The following GFPT1 variants were observed in gnomAD, a reference collection of about 807,000 sequenced individuals.
The protein encoded by GFPT1 is glutamine--fructose-6-phosphate transaminase 1.
GFPT1 carries 40 observed loss-of-function variants against 92.0 expected under a neutral mutation model. The ratio of observed to expected loss-of-function variants is 0.43; its 90% confidence interval spans 0.34 to 0.57. The LOEUF is 0.57. GFPT1 is among the 20% of genes least tolerant of loss of function. The pLI, the probability that GFPT1 is intolerant of heterozygous loss-of-function variation, is 0.02. For missense variants in GFPT1, 448 were observed against 869.1 expected, an observed-to-expected ratio of 0.52 and a Z score of 6.09; for synonymous variants, 269 against 280.6, an observed-to-expected ratio of 0.96 and a Z score of 0.41.
intron 11 of GFPT1, 112 bp from the exon 12 acceptor site, chr2:69,346,111 T>G (rs1558747106): frequency 1.1e-5 from 8 of 712,004 alleles, no homozygotes; most frequent in Non-Finnish European, 2.0e-5. Context: ...ATAACAAAAG[T>G]TCATGCAATA....
chr2:69,348,109 AG>A, intron 11 of GFPT1, 61 bp downstream of exon 11: 2 of 1,249,858 alleles, frequency 1.6e-6, no homozygotes, highest in Non-Finnish European at 2.4e-6. Flanking sequence ...ATGCTAGGAA[AG>A]GAAGTAGAAT....
In GFPT1 at chr2:69,346,244, CT is replaced by C. The variant is rs927368693; in HGVS notation, c.1010-246del. On this transcript the variant is annotated intron_variant, in intron 11 of 19. Transcript: ENST00000357308. ...AGTTACAACAAGTGAATGAGACAAG[CT>C]TTTTTTTTTTTGAGACGGAGTCTTG... is the stretch of plus-strand genomic sequence containing the variant. 3.7e-3 allele frequency among the ~76,000 whole-genome samples: 542 copies of C among 145,222 alleles called. No homozygotes were observed. Among genetic ancestry groups the C allele is most frequent in the South Asian group, 5.4e-3 (25 of 4,588 alleles).
chr2:69,371,666 T>C (rs2104683369), intron 2 of GFPT1, among the ~76,000 whole-genome samples: 1 of 148,372 alleles, frequency 6.7e-6, no homozygotes, highest in Non-Finnish European at 1.5e-5. Context: ...TGAAACCCCG[T>C]CTCTACTAAA....
intron 6 of GFPT1, 41 bp downstream of exon 6, chr2:69,358,288 T>C (rs199908059): frequency 6.4e-7 from 1 of 1,556,536 alleles, no homozygotes; most frequent in Non-Finnish European, 8.9e-7. Context: ...TTTCTCAGCA[T>C]TAATGTTGGC....
chr2:69,321,791 T>C lies in GFPT1; in HGVS notation c.*4398A>G, dbSNP rs1670408251. The C allele has an allele frequency of 6.6e-6, 1 of 152,202 alleles. No homozygotes were observed. The highest frequency in any genetic ancestry group is 6.5e-5 in the Admixed American group (1 of 15,274). The allele number at this position is 152,202 out of a possible 1,614,324, so 9.4% of individuals were successfully genotyped here. A position where few individuals can be genotyped will look rare whatever the true frequency, so the allele number is the denominator to read the frequency against. On this transcript the variant is annotated 3_prime_UTR_variant, in exon 20 of 20. Coordinates refer to ENST00000357308, the MANE Select transcript of GFPT1 (RefSeq NM_001244710.2). Reference sequence around the variant, plus strand: ...TTCTACATTCATTCTGCAAACAGTGTAGTAAGAAAGGTAATTTGAGAATTT... The same window carrying C: ...TTCTACATTCATTCTGCAAACAGTGCAGTAAGAAAGGTAATTTGAGAATTT...
rs1209080595 is a variant in GFPT1 at position 69,323,431 on chromosome 2, CA to C, written c.*2757del. 6.6e-6 allele frequency: 1 copy of C among 152,110 alleles called. No individual in the cohort carries two copies. Among genetic ancestry groups the C allele is most frequent in the Admixed American group, 6.5e-5 (1 of 15,282 alleles). 9.4% of individuals were successfully genotyped at this position (152,110 alleles called of 1,614,324 possible). On this transcript the variant is annotated 3_prime_UTR_variant, in exon 20 of 20. Transcript: ENST00000357308. ...CTCTTTTGTGTTAAGAATTAACTTA[CA>C]AAAGCATTTAAAAATCACTACATCA... is the stretch of plus-strand genomic sequence containing the variant.
At chr2:69,372,014 AC>A (rs1451684608) in intron 2 of GFPT1, among the ~76,000 whole-genome samples, 1 of 150,288 alleles carries the variant, frequency 6.7e-6, no homozygotes, top group Non-Finnish European at 1.5e-5. Flanking sequence ...ATCCTGGCCA[AC>A]ATGGTGAAAC....
In GFPT1 at chr2:69,325,869, C is replaced by T. The variant is rs1296405747; in HGVS notation, c.*320G>A. On this transcript the variant is annotated 3_prime_UTR_variant, in exon 20 of 20. Transcript: ENST00000357308. ...TGAAACAAGTACCAATTTTTAGAAA[C>T]ATATTGTCTTCTCAGATTGAAGTGG... is the stretch of plus-strand genomic sequence containing the variant. 7.7e-6 allele frequency: 2 copies of T among 260,872 alleles called. No individual in the cohort carries two copies. Among genetic ancestry groups the T allele is most frequent in the Non-Finnish European group, 1.5e-5 (2 of 136,918 alleles). 16.2% of individuals were successfully genotyped at this position (260,872 alleles called of 1,614,324 possible).
chr2:69,386,976 G>T, intron 1 of GFPT1, 89 bp downstream of exon 1: 1 of 1,053,116 alleles, frequency 9.5e-7, no homozygotes, highest in Non-Finnish European at 1.4e-6. Flanking sequence ...CCACACTCCC[G>T]CTTCCGCCCG....
At chr2:69,354,617 G>C in intron 7 of GFPT1, 49 bp from the exon 8 acceptor site, 1 of 1,053,712 alleles carries the variant, frequency 9.5e-7, no homozygotes, top group Non-Finnish European at 1.5e-6. Context: ...ATAAATAATG[G>C]ACTAATGACA....
chr2:69,350,331 T>C, intron 9 of GFPT1, 148 bp from the exon 10 acceptor site: 1 of 653,336 alleles, frequency 1.5e-6, no homozygotes, highest in South Asian at 1.7e-5. Context: ...GATCACCTTA[T>C]TTCCATGCAA....
chr2:69,372,198 C>CAAAA (rs534920006), intron 2 of GFPT1, among the ~76,000 whole-genome samples: 9 of 52,712 alleles, frequency 1.7e-4, no homozygotes, highest in Non-Finnish European at 2.4e-4. Flanking sequence ...GACTCCATCT[C>CAAAA]AAAAAAAAAA....
Position 69,350,861 on chromosome 2 carries a change from C to T in GFPT1, c.740-678G>A, listed in dbSNP as rs184466825. Among the ~76,000 whole-genome samples the T allele has an allele frequency of 3.5e-3, 534 of 150,640 alleles. 3 individuals carry two copies. Among genetic ancestry groups the T allele is most frequent in the African/African-American group, 0.012 (509 of 40,926 alleles). ...GAGGCTGCAGTGAGCCGAAATCACACGCCATTGTACTCCAGCCTGGGCAAC... is the reference window on the plus strand; with the variant it reads ...GAGGCTGCAGTGAGCCGAAATCACATGCCATTGTACTCCAGCCTGGGCAAC... On this transcript the variant is annotated intron_variant, in intron 9 of 19. Transcript: ENST00000357308.
intron 2 of GFPT1, among the ~76,000 whole-genome samples, chr2:69,372,281 G>C (rs992807344): frequency 4.0e-5 from 6 of 150,458 alleles, no homozygotes; most frequent in Admixed American, 2.0e-4. Context: ...ATCTAGAAAA[G>C]AATATTGGCT....
chr2:69,356,653 A>G (rs1671345844), intron 6 of GFPT1, 96 bp from the exon 7 acceptor site: 1 of 841,986 alleles, frequency 1.2e-6, no homozygotes, highest in Admixed American at 1.7e-5. Context: ...TTTTTTGTTC[A>G]CACAAATGCT....
intron 2 of GFPT1, 21 bp downstream of exon 2, chr2:69,373,985 A>G (rs1312692637): frequency 3.8e-6 from 4 of 1,043,924 alleles, no homozygotes; most frequent in Non-Finnish European, 6.0e-6. Flanking sequence ...TGCAAAATCC[A>G]TAGTATTTTT....
At chr2:69,344,656 A>AT (rs111257221) in intron 12 of GFPT1, among the ~76,000 whole-genome samples, 21,690 of 146,338 alleles carry the variant, frequency 0.15, 1,752 homozygotes, top group South Asian at 0.23. Flanking sequence ...ACTCTTTTTT[A>AT]TTTTTTTTTT....
At position 69,387,103 on chromosome 2, in the gene GFPT1, G is replaced by A. The variant is rs771295091; in HGVS notation, c.-32C>T. 1.3e-5 allele frequency: 20 copies of A among 1,531,164 alleles called. No homozygotes were observed. In the East Asian group the frequency reaches 4.0e-4, roughly 31 times the overall value. The allele number at this position is 1,531,164 out of a possible 1,614,324, so 94.8% of individuals were successfully genotyped here. On this transcript the variant is annotated 5_prime_UTR_variant, in exon 1 of 20. Coordinates refer to ENST00000357308, the MANE Select transcript of GFPT1 (RefSeq NM_001244710.2). Reference sequence around the variant, plus strand: ...GGAGACACGGCCCGCGAGGCCAGGGGCGAGTGGCTGGCGGGATCGGGGGTG... The same window carrying A: ...GGAGACACGGCCCGCGAGGCCAGGGACGAGTGGCTGGCGGGATCGGGGGTG...
At chr2:69,329,521 C>G in intron 16 of GFPT1, 97 bp from the exon 17 acceptor site, 3 of 1,034,224 alleles carry the variant, frequency 2.9e-6, no homozygotes, top group South Asian at 1.3e-5. Flanking sequence ...TTCTATTCCT[C>G]TGTGCTATCA....
Sources: gnomAD v4.1 joint callset for allele counts (sites outside exome capture counted in the v4.1 genomes callset) on GRCh38, gnomAD v4.1.1 for gene constraint, MANE v1.5 for transcripts, NCBI Gene and HGNC (gene_info 2026-07-23, HGNC 2026-07-21) for gene names.